Variants in KAT14 observed in about 807,000 individuals in gnomAD.
KAT14 encodes the protein cysteine-rich protein 2-binding protein.
A neutral mutation model predicts 78.4 loss-of-function variants in KAT14; 66 were observed. That is an observed-to-expected ratio of 0.84 (90% CI 0.69 to 1.03). The LOEUF is 1.03. KAT14 is among the 50% of genes least tolerant of loss of function. The probability of loss-of-function intolerance (pLI) is 0.00; values close to 1 mark genes in which losing one functional copy is unlikely to be tolerated. For synonymous variants in KAT14, 344 were observed against 359.4 expected (o/e 0.96, Z 0.48); for missense variants, 870 against 972.5 (o/e 0.89, Z 1.40).
Position 18,187,419 on chromosome 20 carries a change from C to G in KAT14, c.2306C>G (p.Thr769Arg). The G allele has an allele frequency of 6.2e-7, 1 of 1,614,170 alleles. No homozygotes were observed. The highest frequency in any genetic ancestry group is 1.3e-5 in the African/African-American group (1 of 75,062). ...GATAAATATTACCCATTGGAGAGTA[C>G]AGAGTGTAAACACGCATTCTTTCTG... ...FYDKYYPLES[T>R]ECKHAFFLRL... Residue 769 changes from threonine to arginine, a missense_variant, in exon 11 of 11, where the codon ACA (threonine) becomes AGA (arginine). Thr to Arg is a moderately conservative substitution (Grantham distance 71, BLOSUM62 -1). Transcript: ENST00000688188.
chr20:18,176,300 CAA>C (rs11484238), intron 7 of KAT14, among the ~76,000 whole-genome samples: 13 of 111,660 alleles, frequency 1.2e-4, no homozygotes, highest in African/African-American at 3.2e-4. Context: ...GACTTCGTCT[CAA>C]AAAAAAAAAA....
chr20:18,176,004 T>TAAA (rs2039028542), intron 7 of KAT14, among the ~76,000 whole-genome samples: 1 of 94,358 alleles, frequency 1.1e-5, no homozygotes. Context: ...TGAGACTGTC[T>TAAA]CAAAAAAAAA....
rs780539970 is a variant in KAT14, at chr20:18,181,835, A to T, written c.1794A>T (p.Lys598Asn). 6.2e-7 allele frequency: 1 copy of T among 1,613,798 alleles called. No homozygotes were observed. The highest frequency in any genetic ancestry group is 1.3e-5 in the African/African-American group (1 of 74,840). Residue 598 changes from lysine (K) to asparagine (N), a missense_variant, in exon 8 of 11, where the codon AAA becomes AAT. Coordinates refer to ENST00000688188, the MANE Select transcript of KAT14 (RefSeq NM_001392073.1). ...IVSPYTSRIL[K>N]PYIRRDYETK... Reference sequence around the variant, plus strand: ...GCCCTTATACCTCTCGGATCTTGAAACCTTATATCAGGTATATGGAGAACT... The same window carrying T: ...GCCCTTATACCTCTCGGATCTTGAATCCTTATATCAGGTATATGGAGAACT...
chr20:18,174,172 A>G (rs1250704767), intron 7 of KAT14, among the ~76,000 whole-genome samples: 1 of 152,250 alleles, frequency 6.6e-6, no homozygotes, highest in Non-Finnish European at 1.5e-5. Context: ...ATGGCTTAAT[A>G]TTCCATTGTA....
At chr20:18,176,485 T>C (rs1317990291) in intron 7 of KAT14, among the ~76,000 whole-genome samples, 1 of 152,166 alleles carries the variant, frequency 6.6e-6, no homozygotes, top group Non-Finnish European at 1.5e-5. Context: ...TGTTACATCA[T>C]GCAGAGTGAA....
Position 18,164,611 on chromosome 20 carries a change from C to CTTTTTTTTTTTTTTTT in KAT14, c.1668+1668_1668+1669insTTTTTTTTTTTTTTTT, listed in dbSNP as rs1568669495. ...TTTGTTAGTCATCTATTCACTTGTTCTTGTTCTTTTTTTTTTTTTTTTTGA... is the reference window on the plus strand; with the variant it reads ...TTTGTTAGTCATCTATTCACTTGTTCTTTTTTTTTTTTTTTTTTGTTCTTTTTTTTTTTTTTTTTGA... On this transcript the variant is annotated intron_variant, in intron 7 of 10. Transcript: ENST00000688188. Among the ~76,000 whole-genome samples, 10 of 42,492 alleles carry CTTTTTTTTTTTTTTTT rather than the reference C, an allele frequency of 2.4e-4. 5 individuals are homozygous for CTTTTTTTTTTTTTTTT. The highest frequency in any genetic ancestry group is 1.3e-4 in the African/African-American group (2 of 14,986). The allele number at this position is 42,492 out of a possible 152,430, so 27.9% of individuals were successfully genotyped here.
chr20:18,162,716 C>G lies in KAT14; in HGVS notation c.1439C>G (p.Ala480Gly). The G allele has an allele frequency of 6.2e-7, 1 of 1,614,220 alleles. No individual in the cohort carries two copies. Among genetic ancestry groups the G allele is most frequent in the South Asian group, 1.1e-5 (1 of 91,090 alleles). Residue 480 changes from alanine to glycine, a missense_variant, in exon 7 of 11, where the codon GCT becomes GGT. By Grantham distance (60) the Ala-to-Gly change is moderately conservative. Transcript: ENST00000688188. Reference protein sequence around the residue: ...LLKRLEACPGAVAMTPEARRL... With the variant: ...LLKRLEACPGGVAMTPEARRL... ...AAGAGGCTGGAAGCTTGTCCCGGTG[C>G]TGTTGCCATGACTCCGGAAGCTCGG...
intron 1 of KAT14, among the ~76,000 whole-genome samples, chr20:18,140,067 G>A (rs1294801091): frequency 6.6e-6 from 1 of 152,108 alleles, no homozygotes; most frequent in Non-Finnish European, 1.5e-5. Context: ...GAGGAAGATA[G>A]CAAATGATGG....
At position 18,187,373 on chromosome 20, in the gene KAT14, G is replaced by A; in HGVS notation, c.2260G>A (p.Glu754Lys). ...LYQKFGFKTE[E>K]YVLDFYDKYY... ...CCAGAAGTTTGGATTCAAGACTGAA[G>A]AATATGTATTAGATTTCTATGATAA... The change falls in exon 11 of 11, where the codon GAA (glutamate) becomes AAA (lysine). Residue 754 changes from glutamate (E) to lysine (K), a missense_variant. Coordinates refer to ENST00000688188, the MANE Select transcript of KAT14 (RefSeq NM_001392073.1). 6.2e-7 allele frequency: 1 copy of A among 1,614,212 alleles called. No homozygotes were observed. The highest frequency in any genetic ancestry group is 8.5e-7 in the Non-Finnish European group (1 of 1,180,046).
chr20:18,144,452 T>G (rs2037741305), intron 2 of KAT14, among the ~76,000 whole-genome samples: 1 of 152,222 alleles, frequency 6.6e-6, no homozygotes. Flanking sequence ...TTGCACAGTT[T>G]TTTTCTTCTG....
intron 7 of KAT14, among the ~76,000 whole-genome samples, chr20:18,176,581 C>CA (rs2039059861): frequency 6.6e-6 from 1 of 151,650 alleles, no homozygotes; most frequent in Middle Eastern, 3.2e-3. Context: ...ACTAAGTCCA[C>CA]AAGGAGGAGC....
intron 7 of KAT14, among the ~76,000 whole-genome samples, chr20:18,172,351 C>T (rs1444975150): frequency 2.0e-5 from 3 of 151,240 alleles, no homozygotes; most frequent in South Asian, 2.1e-4. Context: ...CCGCCCGCCT[C>T]GGCCTCCCAA....
chr20:18,143,268 T>TAA lies in KAT14; in HGVS notation c.259+353_259+354dup, dbSNP rs1450265197. 6 of 747,838 alleles carry TAA rather than the reference T, an allele frequency of 8.0e-6. No homozygotes were observed. The African/African-American group carries it at 1.1e-4, about 14-fold the overall frequency. 46.3% of individuals were successfully genotyped at this position (747,838 alleles called of 1,614,324 possible). Reference sequence around the variant, plus strand: ...AGTGTTGAATTCATGTTCAAGTTTATAAAAATTACTTTGTTAATATTTAAC... The same window carrying TAA: ...AGTGTTGAATTCATGTTCAAGTTTATAAAAAAATTACTTTGTTAATATTTAAC... On this transcript the variant is annotated intron_variant, in intron 2 of 10. Transcript: ENST00000688188.
intron 7 of KAT14, among the ~76,000 whole-genome samples, chr20:18,166,000 A>G (rs1265852955): frequency 1.3e-5 from 2 of 152,206 alleles, no homozygotes; most frequent in Admixed American, 6.5e-5. Context: ...GGTTTAAAAG[A>G]TGGTCAGTGG....
chr20:18,165,231 T>A (rs2038597859), intron 7 of KAT14, among the ~76,000 whole-genome samples: 1 of 152,124 alleles, frequency 6.6e-6, no homozygotes, highest in Admixed American at 6.5e-5. Flanking sequence ...AAAAAAATAC[T>A]GAGTAGCAAG....
At chr20:18,158,138 G>T (rs2038287951) in intron 4 of KAT14, among the ~76,000 whole-genome samples, 2 of 152,154 alleles carry the variant, frequency 1.3e-5, no homozygotes, top group Admixed American at 1.3e-4. Flanking sequence ...GTTTCACCCT[G>T]TCAGCCAAAC....
Position 18,181,706 on chromosome 20 carries a change from A to G in KAT14, c.1669-4A>G. 6.2e-7 allele frequency: 1 copy of G among 1,613,996 alleles called. No homozygotes were observed. The highest frequency in any genetic ancestry group is 8.5e-7 in the Non-Finnish European group (1 of 1,179,946). On this transcript the variant is annotated splice_region_variant and splice_polypyrimidine_tract_variant and intron_variant, in intron 7 of 10. Transcript: ENST00000688188. ...TCTATATAACCAGTGTTTCTTTCTCATAGACTTCCTTGCCGTCCAGGAAGG... is the reference window on the plus strand; with the variant it reads ...TCTATATAACCAGTGTTTCTTTCTCGTAGACTTCCTTGCCGTCCAGGAAGG...
At chr20:18,158,240 A>G (rs2038292223) in intron 4 of KAT14, among the ~76,000 whole-genome samples, 1 of 152,198 alleles carries the variant, frequency 6.6e-6, no homozygotes, top group South Asian at 2.1e-4. Flanking sequence ...CCAGCCTCAG[A>G]TAGTGCTTAT....
intron 3 of KAT14, among the ~76,000 whole-genome samples, chr20:18,147,234 G>C (rs1475371381): frequency 1.3e-5 from 2 of 152,230 alleles, no homozygotes; most frequent in South Asian, 2.1e-4. Context: ...CCTTTTCTTT[G>C]ACTTGCCTGA....
Sources: gnomAD v4.1 joint callset for allele counts (sites outside exome capture counted in the v4.1 genomes callset) on GRCh38, gnomAD v4.1.1 for gene constraint, MANE v1.5 for transcripts, NCBI Gene and HGNC (gene_info 2026-07-23, HGNC 2026-07-21) for gene names.